The following B3GALT1 variants were observed in gnomAD, a reference collection of about 807,000 sequenced individuals.
B3GALT1 encodes UDP-Gal:betaGlcNAc beta 1,3-galactosyltransferase, polypeptide 1.
B3GALT1 carries 10 observed loss-of-function variants against 23.2 expected under a neutral mutation model. That is an observed-to-expected ratio of 0.43 (90% CI 0.27 to 0.73). The LOEUF is 0.73. B3GALT1 is among the 30% of genes least tolerant of loss of function. The probability of loss-of-function intolerance (pLI) is 0.21; values close to 1 mark genes in which losing one functional copy is unlikely to be tolerated. For missense variants in B3GALT1, 299 were observed against 405.4 expected, an observed-to-expected ratio of 0.74 and a Z score of 2.25; for synonymous variants, 156 against 141.5, an observed-to-expected ratio of 1.10 and a Z score of -0.73.
intron 2 of B3GALT1, among the ~76,000 whole-genome samples, chr2:167,600,253 C>T (rs1372856893): frequency 1.3e-5 from 2 of 152,192 alleles, no homozygotes; most frequent in African/African-American, 4.8e-5. Flanking sequence ...CCCTCTTTTA[C>T]AACTCCAAGG....
intron 2 of B3GALT1, among the ~76,000 whole-genome samples, chr2:167,579,938 G>T (rs949634785): frequency 1.3e-5 from 2 of 152,126 alleles, no homozygotes; most frequent in African/African-American, 4.8e-5. Flanking sequence ...GATTGATAGT[G>T]ATTGATAGAT....
chr2:167,780,469 C>G (rs1264415284), intron 3 of B3GALT1, among the ~76,000 whole-genome samples: 3 of 152,214 alleles, frequency 2.0e-5, no homozygotes, highest in African/African-American at 7.2e-5. Context: ...AACACTTGTT[C>G]ATTGGCAGGC....
At chr2:167,695,223 G>A (rs928826242) in intron 3 of B3GALT1, among the ~76,000 whole-genome samples, 2 of 152,020 alleles carry the variant, frequency 1.3e-5, no homozygotes, top group Non-Finnish European at 2.9e-5. Flanking sequence ...GGGATGACAG[G>A]TTCTAATTTG....
chr2:167,659,292 C>A (rs571021882), intron 3 of B3GALT1, among the ~76,000 whole-genome samples: 3 of 151,658 alleles, frequency 2.0e-5, no homozygotes, highest in Admixed American at 1.3e-4. Flanking sequence ...AATTGTTACC[C>A]TTTGTCAGTA....
At chr2:167,538,009 G>T (rs2105371947) in intron 2 of B3GALT1, among the ~76,000 whole-genome samples, 1 of 152,032 alleles carries the variant, frequency 6.6e-6, no homozygotes, top group East Asian at 1.9e-4. Context: ...TTTTACTAGA[G>T]TTGGGGTTAC....
At chr2:167,815,790 T>C (rs1688982687) in intron 3 of B3GALT1, among the ~76,000 whole-genome samples, 1 of 152,192 alleles carries the variant, frequency 6.6e-6, no homozygotes, top group Non-Finnish European at 1.5e-5. Flanking sequence ...CCTGGTAAAA[T>C]TGTAAACTAG....
chr2:167,471,582 T>A (rs903665012), intron 1 of B3GALT1, among the ~76,000 whole-genome samples: 3 of 152,130 alleles, frequency 2.0e-5, no homozygotes, highest in Non-Finnish European at 2.9e-5. Flanking sequence ...ACACCTGTAG[T>A]GAACCAGCTT....
chr2:167,840,836 C>A (rs1315124939), intron 4 of B3GALT1, among the ~76,000 whole-genome samples: 1 of 144,926 alleles, frequency 6.9e-6, no homozygotes, highest in Non-Finnish European at 1.5e-5. Flanking sequence ...CCATGGAATA[C>A]TATGCAGCCA....
At chr2:167,433,077 G>A (rs1437323709) in intron 1 of B3GALT1, among the ~76,000 whole-genome samples, 2 of 152,148 alleles carry the variant, frequency 1.3e-5, no homozygotes, top group Non-Finnish European at 2.9e-5. Context: ...CTCTGCGCTT[G>A]AATAGTCATA....
At chr2:167,721,237 T>C (rs954378298) in intron 3 of B3GALT1, among the ~76,000 whole-genome samples, 4 of 152,214 alleles carry the variant, frequency 2.6e-5, no homozygotes, top group African/African-American at 9.6e-5. Flanking sequence ...AACCAGGAAA[T>C]GCTGGTATCT....
intron 3 of B3GALT1, among the ~76,000 whole-genome samples, chr2:167,769,776 A>T (rs7591442): frequency 0.35 from 53,185 of 152,110 alleles, 10,904 homozygotes; most frequent in Non-Finnish European, 0.46. Context: ...GTATTCCATT[A>T]TACGGATGTG....
chr2:167,601,500 A>G (rs970169730), intron 2 of B3GALT1, among the ~76,000 whole-genome samples: 1 of 152,244 alleles, frequency 6.6e-6, no homozygotes, highest in African/African-American at 2.4e-5. Flanking sequence ...ACGCTCTAAT[A>G]TCTCCATTAC....
At chr2:167,380,166 T>TC (rs1697827845) in intron 1 of B3GALT1, among the ~76,000 whole-genome samples, 1 of 151,880 alleles carries the variant, frequency 6.6e-6, no homozygotes, top group African/African-American at 2.4e-5. Context: ...GTAGAGGGTG[T>TC]CCCCCTGCAT....
At chr2:167,420,397 G>T (rs1242695951) in intron 1 of B3GALT1, among the ~76,000 whole-genome samples, 1 of 152,260 alleles carries the variant, frequency 6.6e-6, no homozygotes, top group South Asian at 2.1e-4. Context: ...TTTATTAGAT[G>T]AACTAAAAAT....
chr2:167,569,690 G>T (rs1684255407), intron 2 of B3GALT1, among the ~76,000 whole-genome samples: 1 of 151,718 alleles, frequency 6.6e-6, no homozygotes, highest in Admixed American at 6.6e-5. Context: ...AGAACTTCCT[G>T]CACAGTCTTG....
intron 1 of B3GALT1, among the ~76,000 whole-genome samples, chr2:167,294,705 A>G (rs1282691534): frequency 1.3e-5 from 2 of 152,148 alleles, no homozygotes; most frequent in Non-Finnish European, 2.9e-5. Context: ...TGCAGCAGGG[A>G]ATGGAGGTGG....
At chr2:167,528,884 G>C (rs532483391) in intron 2 of B3GALT1, among the ~76,000 whole-genome samples, 5 of 151,960 alleles carry the variant, frequency 3.3e-5, no homozygotes, top group Non-Finnish European at 7.4e-5. Context: ...TTGTACCCTT[G>C]ATCTTGGGTC....
chr2:167,712,064 T>C (rs1172228881), intron 3 of B3GALT1, among the ~76,000 whole-genome samples: 1 of 152,234 alleles, frequency 6.6e-6, no homozygotes, highest in Non-Finnish European at 1.5e-5. Flanking sequence ...AGTTTATTTC[T>C]GTGTTTTTGG....
intron 3 of B3GALT1, among the ~76,000 whole-genome samples, chr2:167,650,001 AG>A (rs142931491): frequency 0.015 from 2,304 of 152,010 alleles, 70 homozygotes; most frequent in African/African-American, 0.053. Context: ...TCGTGACCTT[AG>A]GGGGAAGCTT....
Sources: allele counts gnomAD v4.1 joint callset (sites outside exome capture counted in the v4.1 genomes callset), GRCh38; gene constraint gnomAD v4.1.1; transcripts MANE v1.5; gene names NCBI Gene and HGNC (gene_info 2026-07-23, HGNC 2026-07-21).